Variants in RNF180 observed in about 807,000 individuals in gnomAD.
RNF180 encodes ring finger protein 180.
In RNF180, 38 loss-of-function variants were observed where a neutral mutation model predicts 59.2. The ratio of observed to expected loss-of-function variants is 0.64; its 90% CI spans 0.50 to 0.84. The LOEUF (loss-of-function observed/expected upper bound fraction) is 0.84, where lower values mean the gene tolerates loss of function less well. RNF180 is among the 40% of genes least tolerant of loss of function. The pLI, the probability that RNF180 is intolerant of heterozygous loss-of-function variation, is 0.00. For synonymous variants in RNF180, 262 were observed against 240.3 expected (o/e 1.09, Z -0.84); for missense variants, 705 against 700.9 (o/e 1.01, Z -0.07).
chr5:64,194,155 T>C (rs746393578), intron 1 of RNF180, among the ~76,000 whole-genome samples: 1 of 151,982 alleles, frequency 6.6e-6, no homozygotes, highest in Non-Finnish European at 1.5e-5. Flanking sequence ...CCCTCCCTTT[T>C]CCCCCCACCC....
chr5:64,351,903 G>A (rs1392210847), intron 7 of RNF180, among the ~76,000 whole-genome samples: 1 of 152,118 alleles, frequency 6.6e-6, no homozygotes, highest in Non-Finnish European at 1.5e-5. Flanking sequence ...GTATCAGGAT[G>A]ATTCTGGCCT....
At chr5:64,315,633 A>G (rs1314728346) in intron 5 of RNF180, among the ~76,000 whole-genome samples, 2 of 149,646 alleles carry the variant, frequency 1.3e-5, no homozygotes, top group African/African-American at 2.5e-5. Flanking sequence ...AATCCCAGCT[A>G]TTTAGGAGGC....
chr5:64,328,110 A>G (rs1401136952), intron 6 of RNF180, among the ~76,000 whole-genome samples: 1 of 152,180 alleles, frequency 6.6e-6, no homozygotes, highest in Non-Finnish European at 1.5e-5. Context: ...CTTCGTTTGT[A>G]TTATCTGCCA....
At chr5:64,217,431 A>G in intron 5 of RNF180, 35 bp downstream of exon 5, 2 of 1,377,738 alleles carry the variant, frequency 1.5e-6, no homozygotes, top group South Asian at 1.9e-5. Flanking sequence ...GAAATTGTCA[A>G]ATTGTTTTCC....
At chr5:64,174,763 T>C (rs1292498986) in intron 1 of RNF180, among the ~76,000 whole-genome samples, 1 of 152,120 alleles carries the variant, frequency 6.6e-6, no homozygotes, top group African/African-American at 2.4e-5. Flanking sequence ...TTATCGATTG[T>C]GTCCTTTGGT....
At chr5:64,281,225 G>C (rs1161186473) in intron 5 of RNF180, among the ~76,000 whole-genome samples, 1 of 152,132 alleles carries the variant, frequency 6.6e-6, no homozygotes, top group Non-Finnish European at 1.5e-5. Flanking sequence ...GGGGTTTTCT[G>C]TATATAAAAT....
chr5:64,293,230 C>T (rs1742702108), intron 5 of RNF180, among the ~76,000 whole-genome samples: 1 of 152,208 alleles, frequency 6.6e-6, no homozygotes, highest in Admixed American at 6.5e-5. Context: ...GCTTTTGGCT[C>T]TGTGTTGCTC....
intron 5 of RNF180, among the ~76,000 whole-genome samples, chr5:64,275,740 T>G (rs1481723499): frequency 6.6e-6 from 1 of 151,966 alleles, no homozygotes; most frequent in East Asian, 1.9e-4. Context: ...AGGATGAATA[T>G]TTGGCTTGTC....
intron 5 of RNF180, among the ~76,000 whole-genome samples, chr5:64,311,584 A>C (rs1743768126): frequency 1.3e-5 from 2 of 151,976 alleles, no homozygotes; most frequent in Admixed American, 6.6e-5. Context: ...GTGGCTCCAA[A>C]GTCCTTACTG....
intron 6 of RNF180, among the ~76,000 whole-genome samples, chr5:64,325,636 A>T (rs1030887599): frequency 1.3e-5 from 2 of 152,180 alleles, no homozygotes; most frequent in Non-Finnish European, 2.9e-5. Flanking sequence ...TTTCTAAAAC[A>T]CTGTAACTAG....
chr5:64,321,063 A>C (rs766474494), intron 5 of RNF180, among the ~76,000 whole-genome samples: 1 of 152,002 alleles, frequency 6.6e-6, no homozygotes, highest in Non-Finnish European at 1.5e-5. Flanking sequence ...AAGAAAAATT[A>C]TGAATGGGCA....
At chr5:64,346,356 C>CTTTTTTTTTTTTTTTTTTTTT (rs1745554810) in intron 7 of RNF180, among the ~76,000 whole-genome samples, 3 of 47,140 alleles carry the variant, frequency 6.4e-5, no homozygotes, top group Non-Finnish European at 9.1e-5. Flanking sequence ...TTTTTCTTTT[C>CTTTTTTTTTTTTTTTTTTTTT]TTCTTTTTTT....
At chr5:64,169,232 G>A (rs191164991) in intron 1 of RNF180, among the ~76,000 whole-genome samples, 3 of 152,240 alleles carry the variant, frequency 2.0e-5, no homozygotes, top group African/African-American at 4.8e-5. Context: ...CTAAAACAAC[G>A]TCCTGTTGTA....
intron 5 of RNF180, among the ~76,000 whole-genome samples, chr5:64,234,725 G>A (rs375758249): frequency 9.5e-5 from 14 of 147,342 alleles, no homozygotes; most frequent in South Asian, 4.5e-4. Context: ...TCAGCCTCCC[G>A]AGTAGCTGGG....
At chr5:64,208,911 G>A (rs1752164592) in intron 2 of RNF180, among the ~76,000 whole-genome samples, 1 of 151,692 alleles carries the variant, frequency 6.6e-6, no homozygotes. Context: ...AATCAGCTGT[G>A]GAATTTTTTC....
At chr5:64,319,824 CAA>C (rs1744252762) in intron 5 of RNF180, among the ~76,000 whole-genome samples, 1 of 152,132 alleles carries the variant, frequency 6.6e-6, no homozygotes, top group Admixed American at 6.5e-5. Flanking sequence ...GCAGTCAAAA[CAA>C]AACAAATATT....
intron 5 of RNF180, among the ~76,000 whole-genome samples, chr5:64,226,901 C>CGG (rs1741798568): frequency 6.6e-6 from 1 of 152,138 alleles, no homozygotes; most frequent in Non-Finnish European, 1.5e-5. Context: ...TGGAAGTTGG[C>CGG]AACCAAAAAG....
At chr5:64,314,613 T>G (rs2112490106) in intron 5 of RNF180, among the ~76,000 whole-genome samples, 1 of 152,220 alleles carries the variant, frequency 6.6e-6, no homozygotes, top group Non-Finnish European at 1.5e-5. Flanking sequence ...ATATTTACCA[T>G]ATTAAAAATT....
At chr5:64,274,104 C>T (rs1741583134) in intron 5 of RNF180, among the ~76,000 whole-genome samples, 2 of 151,982 alleles carry the variant, frequency 1.3e-5, no homozygotes, top group Non-Finnish European at 1.5e-5. Context: ...CTATACCATT[C>T]TTAGGATGTT....
Sources: gnomAD v4.1 joint callset for allele counts (sites outside exome capture counted in the v4.1 genomes callset) on GRCh38, gnomAD v4.1.1 for gene constraint, MANE v1.5 for transcripts, NCBI Gene and HGNC (gene_info 2026-07-23, HGNC 2026-07-21) for gene names.